Variants in OBP2B observed in about 807,000 individuals in gnomAD.
OBP2B encodes the protein odorant-binding protein 2b.
In OBP2B, 10 loss-of-function variants were observed where a neutral mutation model predicts 21.7. That is an observed-to-expected ratio of 0.46 (90% confidence interval 0.28 to 0.78). The LOEUF (loss-of-function observed/expected upper bound fraction) is 0.78, where lower values mean the gene tolerates loss of function less well. OBP2B is among the 30% of genes least tolerant of loss of function. The pLI is 0.11. For synonymous variants in OBP2B, 73 were observed against 91.5 expected (o/e 0.80, Z 1.16); for missense variants, 153 against 217.7 (o/e 0.70, Z 1.87).
Position 133,207,344 on chromosome 9 carries a change from T to A in OBP2B, c.278-8A>T, listed in dbSNP as rs368631561. On this transcript the variant is annotated splice_polypyrimidine_tract_variant and splice_region_variant and intron_variant, in intron 3 of 6. Transcript: ENST00000372034. ...TGAGCTTCCTGCCCCCATCTGTAGA[T>A]GACAGAGAAAATGGGTCATTCCCAG... 9 of 1,582,528 alleles carry A rather than the reference T, an allele frequency of 5.7e-6. No homozygotes were observed. In the African/African-American group the frequency reaches 1.1e-4, roughly 19 times the overall value.
At chr9:133,205,539 C>T (rs763332610) in intron 6 of OBP2B, 128 bp from the exon 7 acceptor site, 27 of 657,276 alleles carry the variant, frequency 4.1e-5, no homozygotes, top group Non-Finnish European at 6.5e-5. Flanking sequence ...GGCTCCAGAG[C>T]GACCTCAGCT....
chr9:133,217,331 C>T, the OBP2B span, among the ~76,000 whole-genome samples: 5 of 152,278 alleles, frequency 3.3e-5, no homozygotes, highest in South Asian at 2.1e-4. Context: ...CAGCTCCACA[C>T]GTACCCTTCA....
At chr9:133,207,736 C>A (rs578014436) in intron 3 of OBP2B, 5 of 736,034 alleles carry the variant, frequency 6.8e-6, no homozygotes, top group Middle Eastern at 2.5e-4. Flanking sequence ...CGATCCCTAA[C>A]CCTTGGCCCC....
the OBP2B span, among the ~76,000 whole-genome samples, chr9:133,215,942 A>G: frequency 2.6e-5 from 4 of 152,232 alleles, no homozygotes; most frequent in Non-Finnish European, 4.4e-5. Flanking sequence ...AATTAACTCA[A>G]AATGGATCAT....
upstream of OBP2B, among the ~76,000 whole-genome samples, chr9:133,211,797 G>A (rs1588620496): frequency 1.3e-5 from 2 of 152,204 alleles, no homozygotes; most frequent in East Asian, 1.9e-4. Context: ...TTTGTTCTAA[G>A]CCACCCAGTT....
At chr9:133,223,208 G>T in the OBP2B span, among the ~76,000 whole-genome samples, 1 of 152,210 alleles carries the variant, frequency 6.6e-6, no homozygotes, top group South Asian at 2.1e-4. This position sits in a 1 kb window ranked among gnomAD's most constrained non-coding sequence, Gnocchi z 4.4. Context: ...ATAACATGGA[G>T]AAAGGACTCT....
At chr9:133,213,758 T>C (rs76782059), upstream of OBP2B, among the ~76,000 whole-genome samples, 4,090 of 152,358 alleles carry the variant, frequency 0.027, 72 homozygotes, top group Non-Finnish European at 0.038. Context: ...TTAATAGCTC[T>C]ATGACAATTA....
chr9:133,213,458 GA>G (rs1564289027), upstream of OBP2B, among the ~76,000 whole-genome samples: 1 of 152,048 alleles, frequency 6.6e-6, no homozygotes, highest in Admixed American at 6.6e-5. Context: ...GCAGAAAGCA[GA>G]AAAAATCGAA....
At chr9:133,215,142 C>A in the OBP2B span, among the ~76,000 whole-genome samples, 2 of 152,014 alleles carry the variant, frequency 1.3e-5, no homozygotes, top group Non-Finnish European at 2.9e-5. Context: ...TAGTAACGGA[C>A]CCTAAACTTA....
the OBP2B span, among the ~76,000 whole-genome samples, chr9:133,222,079 C>G: frequency 6.6e-6 from 1 of 152,184 alleles, no homozygotes; most frequent in Non-Finnish European, 1.5e-5. Flanking sequence ...ACCAGGAGAA[C>G]CGCGCTCCAA....
At chr9:133,216,783 G>C in the OBP2B span, among the ~76,000 whole-genome samples, 10 of 152,060 alleles carry the variant, frequency 6.6e-5, no homozygotes, top group Admixed American at 6.5e-4. Flanking sequence ...TTTTATGATT[G>C]CAATAGACGA....
Position 133,206,342 on chromosome 9 carries a change from C to T in OBP2B, c.463G>A (p.Glu155Lys). 1 of 1,614,112 alleles carries T rather than the reference C, an allele frequency of 6.2e-7. No homozygotes were observed. Among genetic ancestry groups the T allele is most frequent in the Middle Eastern group, 1.6e-4 (1 of 6,062 alleles). Residue 155 changes from glutamate (E) to lysine (K), a missense_variant, in exon 5 of 7, where the codon GAG (glutamate) becomes AAG (lysine). Around this residue, in one of 2 missense-constraint regions of OBP2B, gnomAD observed 151 missense variants for 186.3 expected, o/e 0.81. Coordinates refer to ENST00000372034, the MANE Select transcript of OBP2B (RefSeq NM_014581.4). ...GTCTGCAGGGGCGTGAAAATGTCCTCCTCCGAGAGTCCCTTGCGCTGCACC... is the reference window on the plus strand; with the variant it reads ...GTCTGCAGGGGCGTGAAAATGTCCTTCTCCGAGAGTCCCTTGCGCTGCACC... ...KLVQRKGLSE[E>K]DIFTPLQTGS...
At chr9:133,219,774 T>C in the OBP2B span, among the ~76,000 whole-genome samples, 18 of 152,282 alleles carry the variant, frequency 1.2e-4, no homozygotes, top group Admixed American at 7.2e-4. Context: ...CACTCCCAGG[T>C]ATACACCCAG....
the OBP2B span, among the ~76,000 whole-genome samples, chr9:133,214,883 A>G: frequency 6.6e-6 from 1 of 152,252 alleles, no homozygotes; most frequent in African/African-American, 2.4e-5. Context: ...CTTGTATTTA[A>G]CATAGTACAG....
upstream of OBP2B, among the ~76,000 whole-genome samples, chr9:133,209,463 C>G (rs1833863799): frequency 6.6e-6 from 1 of 152,126 alleles, no homozygotes; most frequent in South Asian, 2.1e-4. This position sits in a 1 kb window ranked among gnomAD's most constrained non-coding sequence, Gnocchi z 6.0. Flanking sequence ...CACCCGAACG[C>G]GCCCACTCAG....
chr9:133,207,837 T>A lies in OBP2B; in HGVS notation c.277+296A>T, dbSNP rs117726743. Reference sequence around the variant, plus strand: ...CCATCCCTAACCCTCAGCCTCCCCGTACCTAATCCTTGGCCTCCTTGTCCC... The same window carrying A: ...CCATCCCTAACCCTCAGCCTCCCCGAACCTAATCCTTGGCCTCCTTGTCCC... On this transcript the variant is annotated intron_variant, in intron 3 of 6. Transcript: ENST00000372034. 822 of 1,486,702 alleles carry A rather than the reference T, an allele frequency of 5.5e-4. 6 individuals are homozygous for A. In the East Asian group the frequency reaches 0.018, roughly 32 times the overall value. 92.1% of individuals were successfully genotyped at this position (1,486,702 alleles called of 1,614,324 possible).
chr9:133,222,446 G>C, the OBP2B span, among the ~76,000 whole-genome samples: 1 of 152,354 alleles, frequency 6.6e-6, no homozygotes, highest in East Asian at 1.9e-4. Flanking sequence ...GTATTTCTCA[G>C]GCTGGCTGCA....
At chr9:133,217,772 A>G in the OBP2B span, among the ~76,000 whole-genome samples, 1 of 152,200 alleles carries the variant, frequency 6.6e-6, no homozygotes, top group South Asian at 2.1e-4. Flanking sequence ...CAACCCAGCA[A>G]ACTTCTCCAG....
chr9:133,220,136 G>A, the OBP2B span, among the ~76,000 whole-genome samples: 1 of 152,168 alleles, frequency 6.6e-6, no homozygotes, highest in Non-Finnish European at 1.5e-5. Context: ...GAGAGCAGAC[G>A]GGCATAGGGA....
Sources: allele counts gnomAD v4.1 joint callset (sites outside exome capture counted in the v4.1 genomes callset), GRCh38; gene constraint gnomAD v4.1.1; regional missense constraint gnomAD v4.1.1; non-coding constraint Gnocchi (gnomAD v3.1); transcripts MANE v1.5; gene names NCBI Gene and HGNC (gene_info 2026-07-23, HGNC 2026-07-21).